The following CTNNA2 variants were observed in gnomAD, a reference collection of about 807,000 sequenced individuals.
CTNNA2 encodes the protein catenin alpha-2.
In CTNNA2, 42 loss-of-function variants were observed where a neutral mutation model predicts 101.0. The ratio of observed to expected loss-of-function variants is 0.42; its 90% CI spans 0.32 to 0.54. The LOEUF is 0.54. Among genes scored for constraint, CTNNA2 ranks in the 20% least tolerant of loss-of-function variants. The pLI is 0.14. For synonymous variants in CTNNA2, 450 were observed against 456.4 expected (o/e 0.99, Z 0.18); for missense variants, 871 against 1,223.1 (o/e 0.71, Z 4.29).
intron 6 of CTNNA2, among the ~76,000 whole-genome samples, chr2:79,902,567 C>G (rs1685134745): frequency 6.6e-6 from 1 of 152,142 alleles, no homozygotes; most frequent in Non-Finnish European, 1.5e-5. Context: ...AAGAACTTCA[C>G]CTGCTCTTCA....
intron 1 of CTNNA2, among the ~76,000 whole-genome samples, chr2:79,574,402 T>C (rs1675657652): frequency 6.6e-6 from 1 of 152,098 alleles, no homozygotes; most frequent in African/African-American, 2.4e-5. Flanking sequence ...CTGTATCTGT[T>C]GTTCTTTTCT....
At chr2:80,112,735 G>A (rs573905821) in intron 7 of CTNNA2, among the ~76,000 whole-genome samples, 326 of 152,216 alleles carry the variant, frequency 2.1e-3, no homozygotes, top group Non-Finnish European at 3.5e-3. Flanking sequence ...CCACCTACCT[G>A]CATTTTTGCG....
intron 4 of CTNNA2, among the ~76,000 whole-genome samples, chr2:79,483,341 C>A (rs1348838666): frequency 6.6e-6 from 1 of 152,222 alleles, no homozygotes; most frequent in Admixed American, 6.5e-5. Flanking sequence ...TGTCTTAAAA[C>A]TATGCAGACT....
intron 4 of CTNNA2, among the ~76,000 whole-genome samples, chr2:79,451,844 ATAT>A (rs1464733272): frequency 6.6e-6 from 1 of 151,762 alleles, no homozygotes; most frequent in South Asian, 2.1e-4. Flanking sequence ...GATATAGTGA[ATAT>A]TATATTTTGA....
intron 2 of CTNNA2, among the ~76,000 whole-genome samples, chr2:79,658,283 T>C (rs1681762916): frequency 6.6e-6 from 1 of 151,984 alleles, no homozygotes; most frequent in Non-Finnish European, 1.5e-5. Context: ...AACCGCTCCT[T>C]AAATGTAAAA....
At position 79,507,526 on chromosome 2, in the gene CTNNA2, C is replaced by T. The variant is rs539842114; in HGVS notation, c.-6+2344C>T. On this transcript the variant is annotated intron_variant, in intron 5 of 21. Transcript: ENST00000466387. ...CAAGAACGCTCTCACCATCTGTGAC[C>T]CTTCGATCTTGGACTTCCCATCTTA... Among the ~76,000 whole-genome samples the T allele has an allele frequency of 5.3e-5, 8 of 152,112 alleles. No individual in the cohort carries two copies. In the East Asian group the frequency reaches 1.5e-3, roughly 29 times the overall value.
intron 2 of CTNNA2, among the ~76,000 whole-genome samples, chr2:79,698,586 A>G (rs565211019): frequency 2.6e-5 from 4 of 152,212 alleles, no homozygotes; most frequent in Admixed American, 2.6e-4. Context: ...GCCCCTCTTC[A>G]GGAGAATAAT....
At chr2:80,228,815 C>A (rs1427919259) in intron 7 of CTNNA2, among the ~76,000 whole-genome samples, 1 of 152,202 alleles carries the variant, frequency 6.6e-6, no homozygotes, top group Non-Finnish European at 1.5e-5. Flanking sequence ...AGTTTGTGTA[C>A]TGCTTATTCC....
chr2:79,596,595 G>A (rs1379180980), intron 1 of CTNNA2, among the ~76,000 whole-genome samples: 1 of 152,220 alleles, frequency 6.6e-6, no homozygotes, highest in African/African-American at 2.4e-5. Context: ...GAGCAGCGCA[G>A]ATTGTCAGAG....
intron 7 of CTNNA2, among the ~76,000 whole-genome samples, chr2:80,080,322 G>A (rs1699053347): frequency 6.6e-6 from 1 of 152,160 alleles, no homozygotes; most frequent in Non-Finnish European, 1.5e-5. Context: ...GGCGAAAGGA[G>A]ACACAAATGG....
intron 7 of CTNNA2, among the ~76,000 whole-genome samples, chr2:80,012,135 T>C (rs987296294): frequency 1.3e-5 from 2 of 152,152 alleles, no homozygotes; most frequent in African/African-American, 4.8e-5. Flanking sequence ...AGGCAGGCAG[T>C]GTCTCATTGG....
At chr2:80,552,259 T>G (rs1692625679) in intron 11 of CTNNA2, among the ~76,000 whole-genome samples, 1 of 152,146 alleles carries the variant, frequency 6.6e-6, no homozygotes, top group South Asian at 2.1e-4. Context: ...GAGCACATGC[T>G]GTTGGAACAA....
At chr2:79,914,218 C>T (rs1340640054) in intron 7 of CTNNA2, among the ~76,000 whole-genome samples, 3 of 149,390 alleles carry the variant, frequency 2.0e-5, no homozygotes, top group Admixed American at 6.7e-5. Flanking sequence ...AATGCCTGGA[C>T]ACTCTGCTAG....
intron 7 of CTNNA2, among the ~76,000 whole-genome samples, chr2:80,103,516 T>G (rs1187423213): frequency 6.6e-6 from 1 of 152,154 alleles, no homozygotes; most frequent in Non-Finnish European, 1.5e-5. Flanking sequence ...TATAATTTAG[T>G]CTATAACAAT....
chr2:79,481,227 G>A (rs954345505), intron 4 of CTNNA2, among the ~76,000 whole-genome samples: 7 of 152,102 alleles, frequency 4.6e-5, no homozygotes, highest in African/African-American at 1.4e-4. Flanking sequence ...AAATCATTCT[G>A]AGGAAGGTGC....
At chr2:80,262,507 G>C (rs1050828511) in intron 7 of CTNNA2, among the ~76,000 whole-genome samples, 1 of 152,002 alleles carries the variant, frequency 6.6e-6, no homozygotes, top group Admixed American at 6.5e-5. Context: ...GAAGTGCTTC[G>C]CTGCTGCTTC....
intron 4 of CTNNA2, among the ~76,000 whole-genome samples, chr2:79,432,996 T>C (rs1226544155): frequency 6.6e-6 from 1 of 152,168 alleles, no homozygotes; most frequent in Non-Finnish European, 1.5e-5. Context: ...GCGAGGTTGT[T>C]TTCAAATAGC....
intron 2 of CTNNA2, among the ~76,000 whole-genome samples, chr2:79,243,019 C>T (rs1201705442): frequency 2.8e-5 from 4 of 142,816 alleles, no homozygotes; most frequent in Non-Finnish European, 6.2e-5. Flanking sequence ...CACACACACA[C>T]ACACACACAC....
intron 7 of CTNNA2, among the ~76,000 whole-genome samples, chr2:80,094,537 G>A (rs1050419238): frequency 3.9e-5 from 6 of 152,266 alleles, no homozygotes; most frequent in African/African-American, 1.4e-4. Context: ...TTCTAATTCT[G>A]TGAAGCAAGT....
Sources: gnomAD v4.1 joint callset for allele counts (sites outside exome capture counted in the v4.1 genomes callset) on GRCh38, gnomAD v4.1.1 for gene constraint, MANE v1.5 for transcripts, NCBI Gene and HGNC (gene_info 2026-07-23, HGNC 2026-07-21) for gene names.